Variants in RAD51B observed in about 807,000 individuals in gnomAD.
RAD51B encodes the protein RAD51 paralog B.
A neutral mutation model predicts 42.2 loss-of-function variants in RAD51B; 38 were observed. The observed-to-expected ratio is 0.90, with a 90% CI of 0.70 to 1.18. RAD51B has a LOEUF of 1.18. Among genes scored for constraint, RAD51B ranks in the 50% most tolerant of loss-of-function variants. The pLI, the probability that RAD51B is intolerant of heterozygous loss-of-function variation, is 0.00. For synonymous variants in RAD51B, 154 were observed against 145.2 expected (o/e 1.06, Z -0.43); for missense variants, 373 against 400.7 (o/e 0.93, Z 0.59).
At chr14:67,854,806 TA>T (rs113264143) in intron 4 of RAD51B, among the ~76,000 whole-genome samples, 330 of 138,160 alleles carry the variant, frequency 2.4e-3, no homozygotes, top group Middle Eastern at 4.0e-3. Flanking sequence ...CTACAAAAAG[TA>T]AAAAAAAAAA....
At chr14:68,537,951 C>G (rs561748740) in intron 10 of RAD51B, among the ~76,000 whole-genome samples, 5 of 152,128 alleles carry the variant, frequency 3.3e-5, no homozygotes, top group Non-Finnish European at 1.5e-5. Flanking sequence ...GCTAAGTGGT[C>G]AAAAAACTAG....
At chr14:67,834,429 CCTTCACACTGTT>C (rs996534559) in intron 3 of RAD51B, among the ~76,000 whole-genome samples, 4 of 152,144 alleles carry the variant, frequency 2.6e-5, no homozygotes, top group African/African-American at 9.7e-5. Context: ...ACCACACCTT[CCTTCACACTGTT>C]CTTCACAAAC....
At chr14:68,681,304 GGAGAGTCA>G (rs1566971404) in intron 11 of RAD51B, among the ~76,000 whole-genome samples, 2 of 152,130 alleles carry the variant, frequency 1.3e-5, no homozygotes, top group African/African-American at 2.4e-5. Flanking sequence ...CCAAATCAGC[GGAGAGTCA>G]GAGAGGGGTG....
rs981342119 is a variant in RAD51B at position 68,590,437 on chromosome 14, C to A, written c.1037-4048C>A. Among the ~76,000 whole-genome samples, 6 of 152,318 alleles carry A rather than the reference C, an allele frequency of 3.9e-5. No homozygotes were observed. In the East Asian group the frequency reaches 1.2e-3, roughly 29 times the overall value. ...CAGCTTGCCAGCATGGCAGGGTGTT[C>A]CCAGTCACCTCCCCCGCAGCGTTGG... On this transcript the variant is annotated intron_variant, in intron 10 of 10. Transcript: ENST00000487270.
downstream of RAD51B, among the ~76,000 whole-genome samples, chr14:68,479,728 G>A (rs755543774): frequency 8.2e-5 from 11 of 134,038 alleles, no homozygotes; most frequent in Admixed American, 6.7e-4. Context: ...GAGTACAGCA[G>A]TGCTATCACA....
intron 7 of RAD51B, among the ~76,000 whole-genome samples, chr14:68,043,384 G>A (rs2076245747): frequency 6.6e-6 from 1 of 152,298 alleles, no homozygotes; most frequent in African/African-American, 2.4e-5. Context: ...AATATCTTGG[G>A]TGGAATTTAA....
intron 10 of RAD51B, among the ~76,000 whole-genome samples, chr14:68,522,899 A>C (rs1311965340): frequency 6.6e-6 from 1 of 152,196 alleles, no homozygotes; most frequent in African/African-American, 2.4e-5. Flanking sequence ...CTCAGGAACA[A>C]TTTGCAGGAA....
intron 7 of RAD51B, among the ~76,000 whole-genome samples, chr14:67,967,712 G>A (rs1242488955): frequency 2.6e-5 from 4 of 152,170 alleles, no homozygotes; most frequent in Admixed American, 2.6e-4. Context: ...CTGTGGCTTT[G>A]CAGGGTATAG....
At chr14:68,159,609 A>T (rs2078593674) in intron 7 of RAD51B, among the ~76,000 whole-genome samples, 1 of 151,128 alleles carries the variant, frequency 6.6e-6, no homozygotes, top group African/African-American at 2.4e-5. Flanking sequence ...GACAGAGCAA[A>T]ACTCCATCTC....
chr14:67,984,450 A>G (rs528984710), intron 7 of RAD51B, among the ~76,000 whole-genome samples: 6 of 152,218 alleles, frequency 3.9e-5, no homozygotes, highest in Non-Finnish European at 8.8e-5. Flanking sequence ...GGTTTAAGTC[A>G]TTCCTTCTTG....
chr14:67,881,551 A>G (rs1046812206), intron 5 of RAD51B, among the ~76,000 whole-genome samples: 2 of 152,084 alleles, frequency 1.3e-5, no homozygotes, highest in Non-Finnish European at 2.9e-5. Context: ...TAGCTTTCCC[A>G]AACTCCGATC....
At chr14:68,022,458 A>T (rs948148576) in intron 7 of RAD51B, among the ~76,000 whole-genome samples, 4 of 152,096 alleles carry the variant, frequency 2.6e-5, no homozygotes, top group African/African-American at 9.7e-5. Context: ...CAGTATTGGG[A>T]TGGATGGGTC....
At chr14:67,903,685 A>ATC (rs1566950521) in intron 7 of RAD51B, among the ~76,000 whole-genome samples, 3 of 152,128 alleles carry the variant, frequency 2.0e-5, no homozygotes, top group Non-Finnish European at 2.9e-5. Flanking sequence ...AACTTCTTCT[A>ATC]CAACTGAGGA....
intron 5 of RAD51B, among the ~76,000 whole-genome samples, chr14:67,874,579 C>G (rs2042663297): frequency 6.6e-6 from 1 of 152,050 alleles, no homozygotes; most frequent in South Asian, 2.1e-4. Flanking sequence ...GACTGAGTTA[C>G]AGGGACTGCC....
Position 68,563,318 on chromosome 14 carries a change from G to A in RAD51B, c.1037-31167G>A, listed in dbSNP as rs561663417. 1.8e-5 allele frequency: 18 copies of A among 985,370 alleles called. No individual in the cohort carries two copies. The South Asian group carries it at 2.3e-4, about 13-fold the overall frequency. 61.0% of individuals were successfully genotyped at this position (985,370 alleles called of 1,614,324 possible). A position where few individuals can be genotyped will look rare whatever the true frequency, so the allele number is the denominator to read the frequency against. On this transcript the variant is annotated intron_variant, in intron 10 of 10. Coordinates refer to the RAD51B transcript ENST00000487270. ...AATGGGCTTGTTCTCTCCTCGGGGC[G>A]TGCTCCTTCTTCCCCTCCAGCTCAG...
intron 10 of RAD51B, among the ~76,000 whole-genome samples, chr14:68,561,163 C>T (rs1014719538): frequency 5.3e-5 from 8 of 152,236 alleles, no homozygotes; most frequent in Non-Finnish European, 1.0e-4. Context: ...CCCATGCTGG[C>T]TCCCAAATAC....
At chr14:68,284,665 GC>G (rs778712208) in intron 7 of RAD51B, among the ~76,000 whole-genome samples, 24 of 152,282 alleles carry the variant, frequency 1.6e-4, no homozygotes, top group Admixed American at 9.8e-4. Context: ...GATGGAAATG[GC>G]AGGCTGGAAT....
intron 7 of RAD51B, among the ~76,000 whole-genome samples, chr14:68,191,346 C>T (rs2079263765): frequency 6.6e-6 from 1 of 152,068 alleles, no homozygotes; most frequent in Admixed American, 6.6e-5. Context: ...GAGTTTGAAA[C>T]CATTACATGA....
chr14:68,638,518 G>A (rs1397769881), intron 10 of RAD51B, among the ~76,000 whole-genome samples: 1 of 152,142 alleles, frequency 6.6e-6, no homozygotes, highest in Non-Finnish European at 1.5e-5. Context: ...AGATGGATGA[G>A]CTGGTTGTGT....
Sources: gnomAD v4.1 joint callset for allele counts (sites outside exome capture counted in the v4.1 genomes callset) on GRCh38, gnomAD v4.1.1 for gene constraint, MANE v1.5 for transcripts, NCBI Gene and HGNC (gene_info 2026-07-23, HGNC 2026-07-21) for gene names.